The following SNTG2 variants were observed in gnomAD, a reference collection of about 807,000 sequenced individuals.
SNTG2 encodes gamma-2-syntrophin.
SNTG2 carries 74 observed loss-of-function variants against 70.9 expected under a neutral mutation model. The ratio of observed to expected loss-of-function variants is 1.04; its 90% CI spans 0.86 to 1.27. The LOEUF (loss-of-function observed/expected upper bound fraction) is 1.27. Among genes scored for constraint, SNTG2 ranks in the 50% most tolerant of loss-of-function variants. The pLI is 0.00. For synonymous variants in SNTG2, 278 were observed against 273.8 expected (o/e 1.02, Z -0.15); for missense variants, 717 against 690.7 (o/e 1.04, Z -0.43).
At chr2:1,364,649 T>C (rs1391703971) in intron 16 of SNTG2, among the ~76,000 whole-genome samples, 1 of 150,828 alleles carries the variant, frequency 6.6e-6, no homozygotes, top group Non-Finnish European at 1.5e-5. Context: ...TCCCAGCTAC[T>C]TGGGAGGCCG....
intron 16 of SNTG2, among the ~76,000 whole-genome samples, chr2:1,347,423 C>T (rs1194709464): frequency 6.6e-6 from 1 of 152,194 alleles, no homozygotes; most frequent in Non-Finnish European, 1.5e-5. Flanking sequence ...ACCAGCCCTG[C>T]CCAGAGACTA....
intron 1 of SNTG2, among the ~76,000 whole-genome samples, chr2:1,008,387 A>G (rs1210883398): frequency 6.6e-6 from 1 of 152,192 alleles, no homozygotes; most frequent in Non-Finnish European, 1.5e-5. Context: ...TGCTTCACAA[A>G]ATTATAGTCA....
intron 6 of SNTG2, among the ~76,000 whole-genome samples, chr2:1,159,172 C>T (rs528054183): frequency 2.7e-5 from 4 of 146,512 alleles, no homozygotes; most frequent in East Asian, 2.0e-4. Context: ...TGCATGAGTG[C>T]GTATGTGGAA....
At chr2:1,363,427 A>C (rs895868669) in intron 16 of SNTG2, among the ~76,000 whole-genome samples, 3 of 152,188 alleles carry the variant, frequency 2.0e-5, no homozygotes, top group Non-Finnish European at 2.9e-5. Flanking sequence ...ACATAGTCCC[A>C]AATAAACTTT....
At chr2:1,158,515 GA>G (rs201678675) in intron 6 of SNTG2, 19,676 of 152,066 alleles carry the variant, frequency 0.13, 1,700 homozygotes, top group African/African-American at 0.23. Flanking sequence ...GAGAAAGAAA[GA>G]AGAATATTCA....
chr2:1,311,253 C>T (rs1203508131), intron 15 of SNTG2, among the ~76,000 whole-genome samples: 1 of 152,178 alleles, frequency 6.6e-6, no homozygotes, highest in Admixed American at 6.5e-5. Context: ...GACCTGCTGA[C>T]CTATTTTCCT....
At chr2:1,028,758 T>C (rs940859990) in intron 1 of SNTG2, among the ~76,000 whole-genome samples, 1 of 146,878 alleles carries the variant, frequency 6.8e-6, no homozygotes, top group African/African-American at 2.5e-5. Flanking sequence ...TTTTTTTAAA[T>C]GCTAATCACA....
chr2:1,085,337 T>G (rs1050418298), intron 2 of SNTG2, among the ~76,000 whole-genome samples: 1 of 152,236 alleles, frequency 6.6e-6, no homozygotes, highest in Non-Finnish European at 1.5e-5. Context: ...TTTAAAAGTC[T>G]ATAGCATCAG....
At position 1,149,229 on chromosome 2, in the gene SNTG2, C is replaced by CACACAT. The variant is rs77555247; in HGVS notation, c.411+11420_411+11421insACACAT. On this transcript the variant is annotated intron_variant, in intron 6 of 16. Coordinates refer to ENST00000308624, the MANE Select transcript of SNTG2 (RefSeq NM_018968.4). ...TGTGTGAGAGAGAGACACACACACA[C>CACACAT]GGGGAGCAGTGAGGCTTACAGGTGG... 2.4e-3 allele frequency among the ~76,000 whole-genome samples: 356 copies of CACACAT among 149,874 alleles called. 6 individuals carry two copies. Among genetic ancestry groups the CACACAT allele is most frequent in the Non-Finnish European group, 3.6e-3 (242 of 67,302 alleles).
At chr2:1,164,413 G>T (rs568282461) in intron 6 of SNTG2, among the ~76,000 whole-genome samples, 140 of 126,340 alleles carry the variant, frequency 1.1e-3, no homozygotes, top group Non-Finnish European at 1.9e-3. Context: ...CCTGGCCTAG[G>T]AGTATGAAGT....
chr2:1,221,795 C>T (rs1206221322), intron 9 of SNTG2, among the ~76,000 whole-genome samples: 1 of 24,140 alleles, frequency 4.1e-5, no homozygotes, highest in Non-Finnish European at 7.3e-5. Flanking sequence ...CTGTCTCTGT[C>T]TGTCTCTGTC....
At chr2:1,234,575 A>G (rs1286958317) in intron 9 of SNTG2, among the ~76,000 whole-genome samples, 1 of 152,160 alleles carries the variant, frequency 6.6e-6, no homozygotes, top group Admixed American at 6.5e-5. Context: ...CAGAGGTGAG[A>G]TGTCCAGCCT....
chr2:1,277,970 C>G (rs1679337128), intron 14 of SNTG2, among the ~76,000 whole-genome samples: 1 of 152,224 alleles, frequency 6.6e-6, no homozygotes, highest in Non-Finnish European at 1.5e-5. Flanking sequence ...TCTGGTTTTC[C>G]AATGAGTAGC....
At chr2:1,071,206 G>A (rs2148137256) in intron 1 of SNTG2, among the ~76,000 whole-genome samples, 1 of 151,978 alleles carries the variant, frequency 6.6e-6, no homozygotes, top group South Asian at 2.1e-4. Flanking sequence ...GCACACGTAT[G>A]TTTATTGCGG....
intron 9 of SNTG2, among the ~76,000 whole-genome samples, chr2:1,225,539 C>T (rs965699100): frequency 1.3e-5 from 2 of 152,088 alleles, no homozygotes; most frequent in African/African-American, 2.4e-5. Context: ...TCTTGAGAGT[C>T]GGCTTTTACT....
At chr2:1,039,577 A>G (rs1310310361) in intron 1 of SNTG2, among the ~76,000 whole-genome samples, 1 of 152,148 alleles carries the variant, frequency 6.6e-6, no homozygotes, top group East Asian at 1.9e-4. Flanking sequence ...TTTGAGGGCC[A>G]TCAATCTTGG....
chr2:1,074,059 G>A (rs1048991338), intron 1 of SNTG2, among the ~76,000 whole-genome samples: 8 of 152,120 alleles, frequency 5.3e-5, no homozygotes, highest in African/African-American at 9.7e-5. Context: ...AAAGGAAACC[G>A]CCCAGATAGG....
At chr2:1,074,388 GA>G (rs1241896085) in intron 1 of SNTG2, among the ~76,000 whole-genome samples, 1 of 152,182 alleles carries the variant, frequency 6.6e-6, no homozygotes, top group Non-Finnish European at 1.5e-5. Context: ...ACACTCCTGG[GA>G]AACTGGAAGG....
At chr2:1,318,155 G>C (rs1681373073) in intron 16 of SNTG2, among the ~76,000 whole-genome samples, 1 of 152,168 alleles carries the variant, frequency 6.6e-6, no homozygotes, top group South Asian at 2.1e-4. Context: ...GTATAAATGT[G>C]TTGCCCACAA....
Sources: gnomAD v4.1 joint callset for allele counts (sites outside exome capture counted in the v4.1 genomes callset) on GRCh38, gnomAD v4.1.1 for gene constraint, MANE v1.5 for transcripts, NCBI Gene and HGNC (gene_info 2026-07-23, HGNC 2026-07-21) for gene names.